AKT3: variants seen among roughly 807,000 people sequenced by gnomAD.
AKT3 encodes the protein AKT serine/threonine kinase 3.
Under a neutral mutation model 65.3 loss-of-function variants are expected in AKT3, and 15 were observed. That is an observed-to-expected ratio of 0.23 (90% CI 0.15 to 0.35). The LOEUF (loss-of-function observed/expected upper bound fraction) is 0.35. AKT3 is among the 10% of genes least tolerant of loss of function. AKT3 has a pLI of 1.00. For missense variants in AKT3, 243 were observed against 576.5 expected, an observed-to-expected ratio of 0.42 and a Z score of 5.92; for synonymous variants, 206 against 183.8, an observed-to-expected ratio of 1.12 and a Z score of -0.98.
chr1:243,691,853 T>C (rs1684711630), intron 3 of AKT3, among the ~76,000 whole-genome samples: 1 of 152,146 alleles, frequency 6.6e-6, no homozygotes, highest in Non-Finnish European at 1.5e-5. Flanking sequence ...AGGTTGCAAC[T>C]GAAACCCCAA....
chr1:243,593,654 T>C (rs1676393629), intron 8 of AKT3, among the ~76,000 whole-genome samples: 1 of 152,202 alleles, frequency 6.6e-6, no homozygotes, highest in South Asian at 2.1e-4. Context: ...ATCACGCCAC[T>C]GCACTTCTGC....
At chr1:243,627,108 C>T (rs1010857877) in intron 6 of AKT3, among the ~76,000 whole-genome samples, 19 of 152,266 alleles carry the variant, frequency 1.2e-4, no homozygotes, top group Non-Finnish European at 2.2e-4. Flanking sequence ...AAACTCACAG[C>T]AGATAATCAA....
intron 1 of AKT3, among the ~76,000 whole-genome samples, chr1:243,849,610 G>A (rs1292862641): frequency 1.3e-5 from 2 of 151,302 alleles, no homozygotes; most frequent in East Asian, 2.0e-4. Context: ...CGCCGCCCCC[G>A]GTCCAGGCGG....
chr1:243,499,395 G>A (rs928384730), downstream of AKT3, among the ~76,000 whole-genome samples: 4 of 152,236 alleles, frequency 2.6e-5, no homozygotes, highest in African/African-American at 9.6e-5. Context: ...GTTAAGGTCA[G>A]ATAAATTTTC....
chr1:243,719,241 C>A (rs1686722285), intron 2 of AKT3, among the ~76,000 whole-genome samples: 1 of 152,186 alleles, frequency 6.6e-6, no homozygotes, highest in African/African-American at 2.4e-5. Flanking sequence ...AGAGACTTTT[C>A]TTATTTCATA....
intron 12 of AKT3, among the ~76,000 whole-genome samples, chr1:243,513,121 T>C (rs569141230): frequency 3.1e-4 from 47 of 152,206 alleles, no homozygotes; most frequent in Non-Finnish European, 5.9e-4. Context: ...GCGGCAGGCA[T>C]GGCGTTAGGG....
At chr1:243,559,243 G>A (rs1673607900) in intron 10 of AKT3, among the ~76,000 whole-genome samples, 1 of 152,056 alleles carries the variant, frequency 6.6e-6, no homozygotes, top group Non-Finnish European at 1.5e-5. Context: ...ACATACAAAT[G>A]CAGTTTTCAA....
In AKT3 at chr1:243,680,040, T is replaced by A. The variant is rs1558712452; in HGVS notation, c.173-15157A>T. Among the ~76,000 whole-genome samples, 5 of 152,214 alleles carry A rather than the reference T, an allele frequency of 3.3e-5. No individual in the cohort carries two copies. In the South Asian group the frequency reaches 1.0e-3, roughly 31 times the overall value. On this transcript the variant is annotated intron_variant, in intron 3 of 13. Transcript: ENST00000673466. Reference sequence around the variant, plus strand: ...GAACACCCTATAGAGACAGAAACTTTATCAGTGTGCTTTTGGAAGCAATAA... The same window carrying A: ...GAACACCCTATAGAGACAGAAACTTAATCAGTGTGCTTTTGGAAGCAATAA...
chr1:243,635,733 C>T (rs1422952174), intron 6 of AKT3, among the ~76,000 whole-genome samples: 1 of 152,030 alleles, frequency 6.6e-6, no homozygotes, highest in East Asian at 1.9e-4. Context: ...TGAAGAAACA[C>T]AGTAGACACC....
intron 2 of AKT3, among the ~76,000 whole-genome samples, chr1:243,740,380 T>C (rs769676296): frequency 1.3e-5 from 2 of 152,180 alleles, no homozygotes; most frequent in Non-Finnish European, 2.9e-5. Context: ...TTCTCTCCCT[T>C]TACTCCCTCT....
At chr1:243,826,860 C>G (rs1463814659) in intron 2 of AKT3, among the ~76,000 whole-genome samples, 1 of 152,226 alleles carries the variant, frequency 6.6e-6, no homozygotes, top group African/African-American at 2.4e-5. Flanking sequence ...TAAAAAAGTT[C>G]TAGTAATTGT....
Position 243,545,562 on chromosome 1 carries a change from A to G in AKT3, c.1199T>C (p.Met400Thr). ...GGGPDDAKEIMRHSFFSGVNW... is the reference protein window; with the variant it reads ...GGGPDDAKEITRHSFFSGVNW... ...TACTCCAGAGAAGAAACTGTGTCTC[A>G]TAATTTCTTTTGCATCATCTGGTCC... The change falls in exon 12 of 14, where the codon ATG becomes ACG. Residue 400 changes from methionine (M) to threonine (T), a missense_variant. Transcript: ENST00000673466. The G allele has an allele frequency of 6.2e-7, 1 of 1,613,124 alleles. No individual in the cohort carries two copies. The highest frequency in any genetic ancestry group is 8.5e-7 in the Non-Finnish European group (1 of 1,179,372).
chr1:243,649,146 A>C (rs995372637), intron 4 of AKT3, among the ~76,000 whole-genome samples: 3 of 151,986 alleles, frequency 2.0e-5, no homozygotes, highest in Non-Finnish European at 4.4e-5. Flanking sequence ...GAGTTTTTTG[A>C]CCCAATGATT....
chr1:243,556,355 A>G (rs1673407198), intron 10 of AKT3, among the ~76,000 whole-genome samples: 2 of 152,146 alleles, frequency 1.3e-5, no homozygotes, highest in Admixed American at 1.3e-4. Flanking sequence ...AATTCAAGTT[A>G]CTAATGTAAA....
chr1:243,511,611 G>A (rs567220908), intron 13 of AKT3, among the ~76,000 whole-genome samples: 82 of 152,136 alleles, frequency 5.4e-4, no homozygotes, highest in Admixed American at 8.5e-4. Flanking sequence ...GCCCTGAAAC[G>A]CAATCTTATC....
intron 2 of AKT3, among the ~76,000 whole-genome samples, chr1:243,747,088 C>G (rs1176077824): frequency 1.3e-5 from 2 of 152,074 alleles, no homozygotes; most frequent in Non-Finnish European, 2.9e-5. Context: ...GAAGCTATTT[C>G]AAGCAAACAA....
chr1:243,850,513 G>C (rs1191375934), upstream of AKT3, among the ~76,000 whole-genome samples: 1 of 151,344 alleles, frequency 6.6e-6, no homozygotes, highest in Non-Finnish European at 1.5e-5. Context: ...GCCTCCTCCC[G>C]GGCTGCGCCT....
At chr1:243,767,264 A>G (rs904862207) in intron 2 of AKT3, among the ~76,000 whole-genome samples, 2 of 152,178 alleles carry the variant, frequency 1.3e-5, no homozygotes, top group African/African-American at 2.4e-5. Flanking sequence ...GAATGTTTCA[A>G]TGAGGAGGGG....
At chr1:243,729,904 G>A (rs2148139862) in intron 2 of AKT3, among the ~76,000 whole-genome samples, 1 of 152,204 alleles carries the variant, frequency 6.6e-6, no homozygotes, top group South Asian at 2.1e-4. Flanking sequence ...TATTTTCCAA[G>A]TCTCTCTACT....
Sources: gnomAD v4.1 joint callset for allele counts (sites outside exome capture counted in the v4.1 genomes callset) on GRCh38, gnomAD v4.1.1 for gene constraint, MANE v1.5 for transcripts, NCBI Gene and HGNC (gene_info 2026-07-23, HGNC 2026-07-21) for gene names.